NXN: variants seen among roughly 807,000 people sequenced by gnomAD.
NXN encodes nucleoredoxin.
A neutral mutation model predicts 48.6 loss-of-function variants in NXN; 16 were observed. That is an observed-to-expected ratio of 0.33 (90% CI 0.22 to 0.50). The LOEUF (loss-of-function observed/expected upper bound fraction) is 0.50, where lower values mean the gene tolerates loss of function less well. NXN is among the 20% of genes least tolerant of loss of function. NXN has a pLI of 0.98. For synonymous variants in NXN, 281 were observed against 269.6 expected, an observed-to-expected ratio of 1.04 and a Z score of -0.41; for missense variants, 492 against 605.5, an observed-to-expected ratio of 0.81 and a Z score of 1.97.
chr17:838,887 A>C (rs1913976421), intron 1 of NXN, among the ~76,000 whole-genome samples: 1 of 152,182 alleles, frequency 6.6e-6, no homozygotes, highest in Admixed American at 6.5e-5. Context: ...GGTCAGTGAA[A>C]TCTTCAGTCG....
chr17:953,414 C>CA (rs2069134430), intron 1 of NXN, among the ~76,000 whole-genome samples: 1 of 151,950 alleles, frequency 6.6e-6, no homozygotes, highest in African/African-American at 2.4e-5. Flanking sequence ...GACTCCGTCT[C>CA]AAAAAAAGAA....
chr17:810,052 G>A (rs879237758), intron 5 of NXN, among the ~76,000 whole-genome samples: 2 of 126,828 alleles, frequency 1.6e-5, no homozygotes, highest in African/African-American at 2.9e-5. Context: ...TGGCGTGCAC[G>A]TTACGAGTCC....
Position 956,915 on chromosome 17 carries a change from G to T in NXN, c.360+22404C>A, listed in dbSNP as rs1258420982. 1.3e-5 allele frequency among the ~76,000 whole-genome samples: 2 copies of T among 152,100 alleles called. No individual in the cohort carries two copies. Among genetic ancestry groups the T allele is most frequent in the Non-Finnish European group, 2.9e-5 (2 of 68,026 alleles). ...GCCCCTCCGTTCTCAGAGCTCCTGC[G>T]GGCAACTCCAGCCCTTTTAGAACCA... On this transcript the variant is annotated intron_variant, in intron 1 of 7. Transcript: ENST00000336868. This position sits in a 1 kb window ranked among gnomAD's most constrained non-coding sequence, Gnocchi z 4.1.
chr17:904,026 T>C (rs2068560402), intron 1 of NXN, among the ~76,000 whole-genome samples: 2 of 152,236 alleles, frequency 1.3e-5, no homozygotes, highest in Non-Finnish European at 2.9e-5. Context: ...TTTCTGAGTT[T>C]TGTGGGCTGA....
At chr17:951,749 C>T (rs2069113294) in intron 1 of NXN, among the ~76,000 whole-genome samples, 1 of 152,168 alleles carries the variant, frequency 6.6e-6, no homozygotes, top group Non-Finnish European at 1.5e-5. Context: ...CCCAGCAGGG[C>T]CAGCCCCAGA....
intron 1 of NXN, among the ~76,000 whole-genome samples, chr17:950,623 C>A (rs2069098870): frequency 6.6e-6 from 1 of 152,024 alleles, no homozygotes; most frequent in Non-Finnish European, 1.5e-5. Flanking sequence ...CCGTCCGTTC[C>A]CCAAAAGCAA....
chr17:885,363 G>A (rs1180570333), intron 1 of NXN, among the ~76,000 whole-genome samples: 1 of 151,922 alleles, frequency 6.6e-6, no homozygotes, highest in East Asian at 1.9e-4. Flanking sequence ...CGTCATCCCA[G>A]CTACTTGGGA....
At chr17:947,839 G>C (rs2069062214) in intron 1 of NXN, among the ~76,000 whole-genome samples, 1 of 141,290 alleles carries the variant, frequency 7.1e-6, no homozygotes, top group Non-Finnish European at 1.5e-5. Context: ...AGGAGTTTGA[G>C]ACCAGTCTGG....
At chr17:881,751 T>C (rs1390377495) in intron 1 of NXN, among the ~76,000 whole-genome samples, 1 of 152,186 alleles carries the variant, frequency 6.6e-6, no homozygotes, top group Non-Finnish European at 1.5e-5. Context: ...TGTGACAAGA[T>C]GCTCGTCCAA....
At chr17:965,783 G>A (rs1228440031) in intron 1 of NXN, among the ~76,000 whole-genome samples, 1 of 152,142 alleles carries the variant, frequency 6.6e-6, no homozygotes, top group Non-Finnish European at 1.5e-5. Context: ...ACATCAGCCT[G>A]TAGTCCCAGC....
At position 825,677 on chromosome 17, in the gene NXN, A is replaced by G; in HGVS notation, c.478+284T>C. The G allele has an allele frequency of 3.0e-6, 1 of 330,876 alleles. No homozygotes were observed. The highest frequency in any genetic ancestry group is 5.5e-6 in the Non-Finnish European group (1 of 181,820). 20.5% of individuals were successfully genotyped at this position (330,876 alleles called of 1,614,324 possible). ...CGGGGTCTGAGCTCTCCGCTTTCCC[A>G]CAGCCTCTGCGGCCCTCCAAGCGGA... On this transcript the variant is annotated intron_variant, in intron 2 of 7. Transcript: ENST00000336868. The surrounding 1 kb of genome is among the most constrained non-coding windows in gnomAD (Gnocchi z 4.1).
intron 1 of NXN, among the ~76,000 whole-genome samples, chr17:841,965 GTC>G (rs1029532421): frequency 3.9e-5 from 6 of 152,064 alleles, no homozygotes; most frequent in Non-Finnish European, 5.9e-5. Context: ...GGTGAAATCT[GTC>G]TCTACCAAAA....
intron 1 of NXN, chr17:864,011 T>C (rs1250740819): frequency 3.9e-6 from 6 of 1,535,122 alleles, no homozygotes; most frequent in Non-Finnish European, 4.4e-6. Context: ...AAGGACACAG[T>C]TACCGTTGCT....
chr17:933,739 C>A (rs889140271), intron 1 of NXN, among the ~76,000 whole-genome samples: 1 of 152,092 alleles, frequency 6.6e-6, no homozygotes, highest in Non-Finnish European at 1.5e-5. Context: ...GTATTATTCA[C>A]GAGGCACTAA....
intron 1 of NXN, chr17:863,881 G>A: frequency 8.0e-7 from 1 of 1,246,176 alleles, no homozygotes; most frequent in Non-Finnish European, 1.1e-6. Flanking sequence ...CATACCCACT[G>A]CTTACACAGA....
chr17:963,233 A>ACACACACACACG (rs1429183332), intron 1 of NXN, among the ~76,000 whole-genome samples: 4 of 150,520 alleles, frequency 2.7e-5, no homozygotes, highest in African/African-American at 9.9e-5. Context: ...ACACACACAC[A>ACACACACACACG]CACACACCCC....
At chr17:846,536 C>T (rs1464397934) in intron 1 of NXN, among the ~76,000 whole-genome samples, 1 of 152,118 alleles carries the variant, frequency 6.6e-6, no homozygotes, top group African/African-American at 2.4e-5. Flanking sequence ...TTTGGCCAGT[C>T]GCCATGAGAG....
chr17:855,891 G>A (rs2067980697), intron 1 of NXN, among the ~76,000 whole-genome samples: 1 of 152,086 alleles, frequency 6.6e-6, no homozygotes, highest in Non-Finnish European at 1.5e-5. Context: ...TGGGGGAGAT[G>A]AAGATAAGAG....
chr17:908,242 A>G (rs2068599215), intron 1 of NXN, among the ~76,000 whole-genome samples: 1 of 152,194 alleles, frequency 6.6e-6, no homozygotes, highest in African/African-American at 2.4e-5. Flanking sequence ...GGTTACTTCA[A>G]AAACCCATGT....
Sources: gnomAD v4.1 joint callset for allele counts (sites outside exome capture counted in the v4.1 genomes callset) on GRCh38, gnomAD v4.1.1 for gene constraint, Gnocchi (gnomAD v3.1) non-coding constraint, MANE v1.5 for transcripts, NCBI Gene and HGNC (gene_info 2026-07-23, HGNC 2026-07-21) for gene names.